The following AKAP3 variants were observed in gnomAD, a reference collection of about 807,000 sequenced individuals.
AKAP3 encodes the protein A-kinase anchoring protein 3.
In AKAP3, 27 loss-of-function variants were observed where a neutral mutation model predicts 57.2. The observed-to-expected ratio is 0.47, with a 90% CI of 0.35 to 0.65. AKAP3 has a LOEUF of 0.65. AKAP3 is among the 30% of genes least tolerant of loss of function. AKAP3 has a pLI of 0.01. For synonymous variants in AKAP3, 334 were observed against 392.3 expected (o/e 0.85, Z 1.76); for missense variants, 959 against 1,040.0 (o/e 0.92, Z 1.07).
chr12:4,629,489 T>A (rs541034989), intron 4 of AKAP3, among the ~76,000 whole-genome samples: 1 of 151,668 alleles, frequency 6.6e-6, no homozygotes, highest in African/African-American at 2.4e-5. Flanking sequence ...AGAGTGGAGG[T>A]AGGGAGGAGG....
At chr12:4,621,496 G>C (rs1481855787) in intron 5 of AKAP3, among the ~76,000 whole-genome samples, 1 of 151,964 alleles carries the variant, frequency 6.6e-6, no homozygotes, top group African/African-American at 2.4e-5. Context: ...TATTTTTACT[G>C]TACCTTTTCT....
intron 5 of AKAP3, among the ~76,000 whole-genome samples, chr12:4,618,086 A>G (rs1205906905): frequency 6.6e-6 from 1 of 152,202 alleles, no homozygotes; most frequent in East Asian, 1.9e-4. Context: ...GGAAAACAGG[A>G]AGAAAAAAGA....
At position 4,626,510 on chromosome 12, in the gene AKAP3, C is replaced by A. The variant is rs753202883; in HGVS notation, c.2392G>T (p.Gly798Trp). The A allele has an allele frequency of 4.0e-5, 65 of 1,613,752 alleles. No individual in the cohort carries two copies. Among genetic ancestry groups the A allele is most frequent in the Non-Finnish European group, 5.4e-5 (64 of 1,179,880 alleles). ...TTGTTTCTTACCTTCTCCTGGATCC[C>A]TTCATCATCACCAGCAAAATACAAA... ...PILYFAGDDE[G>W]IQEKLLQLSA... The change falls in exon 5 of 6, where the codon GGG becomes TGG. Residue 798 changes from glycine (G) to tryptophan (W), a missense_variant. Coordinates refer to ENST00000228850, the MANE Select transcript of AKAP3 (RefSeq NM_001278309.2).
intron 1 of AKAP3, among the ~76,000 whole-genome samples, chr12:4,647,543 C>T (rs1945714253): frequency 6.6e-6 from 1 of 151,944 alleles, no homozygotes; most frequent in Non-Finnish European, 1.5e-5. Context: ...TTAATTACAC[C>T]ATGCAACCTT....
chr12:4,627,313 G>C lies in AKAP3; in HGVS notation c.1589C>G (p.Ser530Cys). The change falls in exon 5 of 6, where the codon TCT (serine) becomes TGT (cysteine). Residue 530 changes from serine to cysteine, a missense_variant. Transcript: ENST00000228850. ...SDSWAEDLIV[S>C]ALLLIQYHLA... is the part of the protein sequence containing the mutation. ...GTGATATTGAATCAGAAGCAGGGCA[G>C]ACACGATCAGGTCCTCGGCCCAGGA... is the stretch of plus-strand genomic sequence containing the variant. 1 of 1,614,016 alleles carries C rather than the reference G, an allele frequency of 6.2e-7. No homozygotes were observed. Among genetic ancestry groups the C allele is most frequent in the Non-Finnish European group, 8.5e-7 (1 of 1,180,004 alleles).
chr12:4,627,158 G>T lies in AKAP3; in HGVS notation c.1744C>A (p.Gln582Lys). 6.2e-7 allele frequency: 1 copy of T among 1,614,050 alleles called. No homozygotes were observed. The highest frequency in any genetic ancestry group is 8.5e-7 in the Non-Finnish European group (1 of 1,180,014). The change falls in exon 5 of 6, where the codon CAA (glutamine) becomes AAA (lysine). Residue 582 changes from glutamine (Q) to lysine (K), a missense_variant. Coordinates refer to ENST00000228850, the MANE Select transcript of AKAP3 (RefSeq NM_001278309.2). ...CLKSAPIVGD[Q>K]EQAEKKDLRS... ...AGGTCCTTCTTTTCTGCTTGTTCTT[G>T]GTCACCTACAATGGGAGCAGACTTA...
intron 4 of AKAP3, among the ~76,000 whole-genome samples, chr12:4,632,483 G>T (rs1270974204): frequency 2.6e-5 from 4 of 152,122 alleles, no homozygotes; most frequent in Non-Finnish European, 5.9e-5. Context: ...ATTAATGGTT[G>T]AGACTATAAT....
chr12:4,641,725 A>G (rs1945640162), intron 3 of AKAP3, among the ~76,000 whole-genome samples, 174 bp downstream of exon 3: 1 of 152,238 alleles, frequency 6.6e-6, no homozygotes, highest in Non-Finnish European at 1.5e-5. Flanking sequence ...TGATAGTACA[A>G]GTGAGAGCCA....
At position 4,627,650 on chromosome 12, in the gene AKAP3, G is replaced by T. The variant is rs375207041; in HGVS notation, c.1252C>A (p.Arg418=). The change falls in exon 5 of 6, where the codon CGA becomes AGA. Residue 418 remains arginine, a synonymous_variant. Transcript: ENST00000228850. The stretch of plus-strand genomic sequence containing the variant: ...GATTTCATGGCAAAGTTCACATTTC[G>T]GTTTTTAGGATCACCCATTCCTTTC... ...SMKGMGDPKN[R]NVNFAMKSET... is the part of the protein sequence containing the mutation. 3 of 1,613,910 alleles carry T rather than the reference G, an allele frequency of 1.9e-6. No individual in the cohort carries two copies. The highest frequency in any genetic ancestry group is 1.7e-5 in the Admixed American group (1 of 60,002).
intron 4 of AKAP3, among the ~76,000 whole-genome samples, chr12:4,634,252 T>C (rs1945537256): frequency 6.6e-6 from 1 of 152,178 alleles, no homozygotes; most frequent in Non-Finnish European, 1.5e-5. Context: ...TGCAATACTT[T>C]ATGTTGCAAA....
intron 5 of AKAP3, among the ~76,000 whole-genome samples, chr12:4,621,186 C>T (rs548784134): frequency 5.2e-4 from 78 of 148,812 alleles, no homozygotes; most frequent in Non-Finnish European, 9.5e-4. Flanking sequence ...AACTGTACAA[C>T]GTGTTTTAAG....
intron 4 of AKAP3, among the ~76,000 whole-genome samples, chr12:4,632,093 A>T (rs191593254): frequency 3.0e-4 from 45 of 152,374 alleles, no homozygotes. Context: ...AAAACACTGG[A>T]GTGGTATTAC....
Position 4,628,801 on chromosome 12 carries a change from G to A in AKAP3, c.101C>T (p.Thr34Ile), listed in dbSNP as rs372584198. ...DNQAQDWKMD[T>I]STDPVRVLSW... The stretch of plus-strand genomic sequence containing the variant: ...GAGCACTCTGACAGGATCCGTGGAG[G>A]TGTCCTTAAAAATAGACAAGGATTC... Residue 34 changes from threonine to isoleucine, a missense_variant, in exon 5 of 6, where the codon ACC becomes ATC. Thr to Ile is a moderately conservative substitution (Grantham distance 89, BLOSUM62 -1). Transcript: ENST00000228850. 1.2e-5 allele frequency: 19 copies of A among 1,598,430 alleles called. 1 individual carries two copies. Among genetic ancestry groups the A allele is most frequent in the South Asian group, 4.4e-5 (4 of 90,092 alleles).
chr12:4,644,705 G>A (rs2137452455), intron 2 of AKAP3, among the ~76,000 whole-genome samples: 1 of 152,322 alleles, frequency 6.6e-6, no homozygotes, highest in Middle Eastern at 3.4e-3. Context: ...TTGAGGTCAG[G>A]AGTTTGAGAC....
Position 4,626,620 on chromosome 12 carries a change from T to G in AKAP3, c.2282A>C (p.Asn761Thr). Residue 761 changes from asparagine (N) to threonine (T), a missense_variant, in exon 5 of 6, where the codon AAT becomes ACT. By Grantham distance (65) the Asn-to-Thr change is moderately conservative. Coordinates refer to ENST00000228850, the MANE Select transcript of AKAP3 (RefSeq NM_001278309.2). ...GCAAPTVIVS[N>T]HNLTDTVQNK... ...CTGAACTGTGTCCGTTAGGTTGTGATTGCTGACAATCACCGTGGGTGCTGC... is the reference window on the plus strand; with the variant it reads ...CTGAACTGTGTCCGTTAGGTTGTGAGTGCTGACAATCACCGTGGGTGCTGC... The G allele has an allele frequency of 6.2e-7, 1 of 1,614,234 alleles. No individual in the cohort carries two copies. The highest frequency in any genetic ancestry group is 8.5e-7 in the Non-Finnish European group (1 of 1,180,034).
intron 5 of AKAP3, among the ~76,000 whole-genome samples, chr12:4,621,515 A>T (rs1945347465): frequency 6.6e-6 from 1 of 152,026 alleles, no homozygotes; most frequent in African/African-American, 2.4e-5. Context: ...CTATATTTAG[A>T]TATGTTTAGA....
chr12:4,638,103 T>C lies in AKAP3; in HGVS notation c.94A>G (p.Met32Val). The C allele has an allele frequency of 6.2e-7, 1 of 1,610,468 alleles. No individual in the cohort carries two copies. The part of the protein sequence containing the change: ...PGDNQAQDWK[M>V]DTSTDPVRVL... ...TTTATCAAGAGGTTGACCCTTACCA[T>C]TTTCCAGTCCTGGGCTTGGTTGTCT... is the stretch of plus-strand genomic sequence containing the variant. The change falls in exon 4 of 6, where the codon ATG (methionine) becomes GTG (valine). Residue 32 changes from methionine (M) to valine (V), a missense_variant and splice_region_variant. Met to Val is a conservative substitution (Grantham distance 21). Coordinates refer to ENST00000228850, the MANE Select transcript of AKAP3 (RefSeq NM_001278309.2).
chr12:4,644,592 C>T (rs1945676427), intron 2 of AKAP3, among the ~76,000 whole-genome samples: 1 of 152,142 alleles, frequency 6.6e-6, no homozygotes. Flanking sequence ...TCACTTATTT[C>T]CAGAGGACTC....
At chr12:4,619,643 G>T (rs1475936543) in intron 5 of AKAP3, among the ~76,000 whole-genome samples, 1 of 152,150 alleles carries the variant, frequency 6.6e-6, no homozygotes, top group East Asian at 1.9e-4. Context: ...GTAACATGCT[G>T]CATTACATTA....
Sources: gnomAD v4.1 joint callset for allele counts (sites outside exome capture counted in the v4.1 genomes callset) on GRCh38, gnomAD v4.1.1 for gene constraint, MANE v1.5 for transcripts, NCBI Gene and HGNC (gene_info 2026-07-23, HGNC 2026-07-21) for gene names.